CWF19L2: variants seen among roughly 807,000 people sequenced by gnomAD.
CWF19L2 encodes the protein CWF19-like protein 2.
In CWF19L2, 98 loss-of-function variants were observed where a neutral mutation model predicts 111.7. That is an observed-to-expected ratio of 0.88 (90% CI 0.75 to 1.04). The LOEUF (loss-of-function observed/expected upper bound fraction) is 1.04. Among genes scored for constraint, CWF19L2 ranks in the 50% least tolerant of loss-of-function variants. CWF19L2 has a pLI of 0.00. For missense variants in CWF19L2, 1,101 were observed against 1,051.4 expected (o/e 1.05, Z -0.65); for synonymous variants, 351 against 342.9 (o/e 1.02, Z -0.26).
intron 4 of CWF19L2, 99 bp downstream of exon 4, chr11:107,442,830 GAGAGAGGGAC>G (rs1861648577): frequency 3.8e-6 from 2 of 528,136 alleles, no homozygotes; most frequent in African/African-American, 2.5e-5. Flanking sequence ...GGGAGGGAGG[GAGAGAGGGAC>G]AGAGAGGGAG....
intron 12 of CWF19L2, among the ~76,000 whole-genome samples, chr11:107,359,871 T>A (rs1041213959): frequency 6.6e-6 from 1 of 152,198 alleles, no homozygotes; most frequent in African/African-American, 2.4e-5. Flanking sequence ...CTCCACTGAA[T>A]GAAAAGGCAT....
chr11:107,346,174 C>T (rs1390444800), intron 14 of CWF19L2, among the ~76,000 whole-genome samples: 9 of 152,122 alleles, frequency 5.9e-5, no homozygotes, highest in East Asian at 1.9e-4. Flanking sequence ...GTACTTAAAA[C>T]TATTAACGCT....
chr11:107,348,416 T>A (rs1860111565), intron 14 of CWF19L2, among the ~76,000 whole-genome samples: 1 of 151,972 alleles, frequency 6.6e-6, no homozygotes, highest in Non-Finnish European at 1.5e-5. Context: ...CAAAAACAAA[T>A]CCCTGAATCC....
intron 1 of CWF19L2, among the ~76,000 whole-genome samples, chr11:107,457,274 G>A (rs1041351063): frequency 6.6e-6 from 1 of 152,194 alleles, no homozygotes; most frequent in Non-Finnish European, 1.5e-5. Context: ...AGAGACAGGA[G>A]GAGGAAATGT....
At chr11:107,457,377 G>C (rs1477887556) in intron 1 of CWF19L2, among the ~76,000 whole-genome samples, 1 of 152,194 alleles carries the variant, frequency 6.6e-6, no homozygotes, top group Non-Finnish European at 1.5e-5. Context: ...GAGGCTGCGA[G>C]ACATGCTGGC....
At chr11:107,435,362 A>T (rs1395535532) in intron 6 of CWF19L2, among the ~76,000 whole-genome samples, 1 of 152,220 alleles carries the variant, frequency 6.6e-6, no homozygotes, top group African/African-American at 2.4e-5. Flanking sequence ...AAGTAAAAGA[A>T]ATCCACAGTA....
intron 14 of CWF19L2, among the ~76,000 whole-genome samples, chr11:107,336,915 T>C (rs1859934084): frequency 6.6e-6 from 1 of 152,210 alleles, no homozygotes; most frequent in South Asian, 2.1e-4. Context: ...TAATTTCATA[T>C]ATTTAAGCAA....
intron 5 of CWF19L2, among the ~76,000 whole-genome samples, chr11:107,440,864 T>C (rs1266985868): frequency 6.6e-6 from 1 of 152,168 alleles, no homozygotes. Flanking sequence ...TGAAATACCA[T>C]TTCTCACCCA....
chr11:107,351,653 A>G (rs1286070140), intron 13 of CWF19L2, among the ~76,000 whole-genome samples: 1 of 152,208 alleles, frequency 6.6e-6, no homozygotes, highest in African/African-American at 2.4e-5. Context: ...GCATAAAGGC[A>G]TCCAGTTATT....
intron 11 of CWF19L2, 56 bp downstream of exon 11, chr11:107,392,723 C>A: frequency 9.7e-7 from 1 of 1,031,604 alleles, no homozygotes; most frequent in Non-Finnish European, 1.4e-6. Flanking sequence ...ACAAAGAAAG[C>A]CCCAAGGGGA....
chr11:107,453,453 C>T lies in CWF19L2; in HGVS notation c.339+997G>A, dbSNP rs78880470. On this transcript the variant is annotated intron_variant, in intron 3 of 17. Coordinates refer to ENST00000282251, the MANE Select transcript of CWF19L2 (RefSeq NM_152434.3). ...AGGAGAGAGAAGAGTAAATACAGGA[C>T]TCCATCTTGCATCTTGAATACCAGC... Among the ~76,000 whole-genome samples, 1,482 of 152,108 alleles carry T rather than the reference C, an allele frequency of 9.7e-3. 20 individuals carry two copies. Among genetic ancestry groups the T allele is most frequent in the African/African-American group, 0.034 (1,402 of 41,460 alleles).
At chr11:107,327,805 A>G (rs1197229424) in intron 17 of CWF19L2, among the ~76,000 whole-genome samples, 1 of 152,290 alleles carries the variant, frequency 6.6e-6, no homozygotes, top group Middle Eastern at 3.4e-3. Flanking sequence ...ATGGTAACAA[A>G]GCAAAAAACA....
Position 107,441,722 on chromosome 11 carries a change from T to C in CWF19L2, c.451-100A>G, listed in dbSNP as rs17092233. The C allele has an allele frequency of 7.9e-3, 9,782 of 1,240,328 alleles. 505 individuals are homozygous for C. The African/African-American group carries it at 0.12, about 15-fold the overall frequency. The allele number at this position is 1,240,328 out of a possible 1,614,324, so 76.8% of individuals were successfully genotyped here. ...ACACTTGGTAATAAGAGCAGGGACT[T>C]TGGAGGCAATCAAACCTGAAACAAG... On this transcript the variant is annotated intron_variant, in intron 4 of 17. Transcript: ENST00000282251.
At chr11:107,380,798 A>G (rs1273087328) in intron 12 of CWF19L2, among the ~76,000 whole-genome samples, 1 of 152,214 alleles carries the variant, frequency 6.6e-6, no homozygotes, top group Non-Finnish European at 1.5e-5. Context: ...TCACACAGCC[A>G]AAAGATGGAA....
At chr11:107,454,658 C>T (rs1861828758) in intron 2 of CWF19L2, 86 bp from the exon 3 acceptor site, 1 of 977,936 alleles carries the variant, frequency 1.0e-6, no homozygotes, top group Admixed American at 4.2e-5. Flanking sequence ...AAATAAACCA[C>T]ATTCTAAAAA....
intron 17 of CWF19L2, among the ~76,000 whole-genome samples, chr11:107,327,508 A>G (rs1404820381): frequency 6.6e-6 from 1 of 152,212 alleles, no homozygotes; most frequent in Non-Finnish European, 1.5e-5. Flanking sequence ...TTCTTCCACT[A>G]TTAGCAGAAA....
chr11:107,340,239 CTTGT>C (rs1859986915), intron 14 of CWF19L2, among the ~76,000 whole-genome samples: 1 of 152,072 alleles, frequency 6.6e-6, no homozygotes. Flanking sequence ...ACAATTTTAT[CTTGT>C]TTTTCTCCCA....
At chr11:107,345,491 C>A in intron 14 of CWF19L2, 1 of 460,876 alleles carries the variant, frequency 2.2e-6, no homozygotes, top group East Asian at 7.2e-5. Flanking sequence ...TAGATTTTAT[C>A]TGGAGAATAG....
intron 3 of CWF19L2, among the ~76,000 whole-genome samples, chr11:107,453,821 G>A (rs936797289): frequency 2.0e-5 from 3 of 151,946 alleles, no homozygotes; most frequent in Non-Finnish European, 2.9e-5. Context: ...GTCCCAGGCC[G>A]GGCAGCTGAC....
Sources: gnomAD v4.1 joint callset for allele counts (sites outside exome capture counted in the v4.1 genomes callset) on GRCh38, gnomAD v4.1.1 for gene constraint, MANE v1.5 for transcripts, NCBI Gene and HGNC (gene_info 2026-07-23, HGNC 2026-07-21) for gene names.